The following IL36A variants were observed in gnomAD, a reference collection of about 807,000 sequenced individuals.
IL36A encodes interleukin-36 alpha.
IL36A carries 13 observed loss-of-function variants against 12.7 expected under a neutral mutation model. The ratio of observed to expected loss-of-function variants is 1.02; its 90% CI spans 0.67 to 1.63. IL36A has a LOEUF of 1.63. IL36A is among the 40% of genes most tolerant of loss of function. The probability of loss-of-function intolerance (pLI) is 0.00; values close to 1 mark genes in which losing one functional copy is unlikely to be tolerated. For synonymous variants in IL36A, 73 were observed against 71.9 expected (o/e 1.01, Z -0.08); for missense variants, 195 against 192.9 (o/e 1.01, Z -0.07).
At chr2:113,006,344 T>G (rs1419551525) in intron 2 of IL36A, among the ~76,000 whole-genome samples, 1 of 152,156 alleles carries the variant, frequency 6.6e-6, no homozygotes, top group Admixed American at 6.5e-5. Context: ...TCTGAGAAAC[T>G]TCAAGGAGTA....
downstream of IL36A, chr2:113,008,182 A>G (rs901476612): frequency 1.9e-5 from 14 of 731,626 alleles, no homozygotes; most frequent in Non-Finnish European, 2.6e-5. Context: ...TCATGCAGTG[A>G]CCTAAGTGCT....
rs1027006353 is a variant in IL36A, at chr2:113,006,671, C to G, written c.198C>G (p.Gly66=). Residue 66 remains glycine (G), a synonymous_variant, in exon 3 of 4, where the codon GGC becomes GGG. Coordinates refer to ENST00000259211, the MANE Select transcript of IL36A (RefSeq NM_014440.3). ...ACAGAGGGAACCCCATCTACCTGGGCCTGAATGGACTCAATCTCTGCCTGA... is the reference window on the plus strand; with the variant it reads ...ACAGAGGGAACCCCATCTACCTGGGGCTGAATGGACTCAATCTCTGCCTGA... ...EKDRGNPIYL[G]LNGLNLCLMC... 6.2e-7 allele frequency: 1 copy of G among 1,614,108 alleles called. No individual in the cohort carries two copies. The highest frequency in any genetic ancestry group is 1.7e-4 in the Middle Eastern group (1 of 6,056).
In IL36A at chr2:113,005,998, A is replaced by C. The variant is rs895497; in HGVS notation, c.35A>C (p.Gln12Pro). 9 of 1,613,682 alleles carry C rather than the reference A, an allele frequency of 5.6e-6. No individual in the cohort carries two copies. Among genetic ancestry groups the C allele is most frequent in the Non-Finnish European group, 7.6e-6 (9 of 1,179,724 alleles). The change falls in exon 2 of 4, where the codon CAG becomes CCG. Residue 12 changes from glutamine to proline, a missense_variant. Coordinates refer to ENST00000259211, the MANE Select transcript of IL36A (RefSeq NM_014440.3). ...EKALKIDTPQ[Q>P]GSIQDINHRV... ...GCATTGAAAATTGACACACCTCAGCAGGGGAGCATTCAGGATATCAATCAT... is the reference window on the plus strand; with the variant it reads ...GCATTGAAAATTGACACACCTCAGCCGGGGAGCATTCAGGATATCAATCAT...
intron 2 of IL36A, among the ~76,000 whole-genome samples, chr2:113,006,294 G>C (rs1184444801): frequency 6.6e-6 from 1 of 152,192 alleles, no homozygotes; most frequent in Non-Finnish European, 1.5e-5. Flanking sequence ...GCTTAAGGGA[G>C]ACTGAAGGGT....
Position 113,005,600 on chromosome 2 carries a change from CTT to C in IL36A, c.-270_-269del. Reference sequence around the variant, plus strand: ...CTTCCAGGTCTTTGGCCTTGGCACTCTTTGTCATATTAGAGTTCCTGGGTCTA... The same window carrying C: ...CTTCCAGGTCTTTGGCCTTGGCACTCTGTCATATTAGAGTTCCTGGGTCTA... On this transcript the variant is annotated 5_prime_UTR_variant, in exon 1 of 4. It introduces an in-frame stop codon into an upstream open reading frame of the 5' UTR. Coordinates refer to ENST00000259211, the MANE Select transcript of IL36A (RefSeq NM_014440.3). 3.5e-6 allele frequency: 2 copies of C among 564,128 alleles called. No homozygotes were observed. The highest frequency in any genetic ancestry group is 6.4e-6 in the Non-Finnish European group (2 of 314,776). 34.9% of individuals were successfully genotyped at this position (564,128 alleles called of 1,614,324 possible).
downstream of IL36A, among the ~76,000 whole-genome samples, chr2:113,009,308 G>C (rs557628364): frequency 3.3e-5 from 5 of 151,508 alleles, no homozygotes; most frequent in African/African-American, 1.2e-4. Context: ...TCCCATTACT[G>C]GGTATATACC....
downstream of IL36A, among the ~76,000 whole-genome samples, chr2:113,009,251 G>A (rs949319224): frequency 1.3e-5 from 2 of 151,362 alleles, no homozygotes; most frequent in African/African-American, 4.9e-5. Flanking sequence ...CGTCAGTGTG[G>A]CGATTTCTCA....
At chr2:113,008,357 CTTTTTT>C (rs780723737), downstream of IL36A, among the ~76,000 whole-genome samples, 1 of 123,380 alleles carries the variant, frequency 8.1e-6, no homozygotes, top group African/African-American at 3.3e-5. Context: ...GGTGGTGACT[CTTTTTT>C]TTTTTTTTTT....
At position 113,005,751 on chromosome 2, in the gene IL36A, C is replaced by T; in HGVS notation, c.-121C>T. 9.1e-7 allele frequency: 1 copy of T among 1,099,466 alleles called. No homozygotes were observed. The highest frequency in any genetic ancestry group is 1.4e-6 in the Non-Finnish European group (1 of 712,088). 68.1% of individuals were successfully genotyped at this position (1,099,466 alleles called of 1,614,324 possible). On this transcript the variant is annotated 5_prime_UTR_variant, in exon 1 of 4. Transcript: ENST00000259211. Reference sequence around the variant, plus strand: ...ACTGGGGTCACTGCTGGGCTGGCCGCCAGTCTTTCATCTGACCCAGGGTTA... The same window carrying T: ...ACTGGGGTCACTGCTGGGCTGGCCGTCAGTCTTTCATCTGACCCAGGGTTA...
chr2:113,007,344 A>G (rs1684643521), intron 3 of IL36A, among the ~76,000 whole-genome samples: 1 of 152,192 alleles, frequency 6.6e-6, no homozygotes, highest in Admixed American at 6.5e-5. Context: ...GGGGTGTGAT[A>G]CTTGCATTTA....
chr2:113,007,995 A>G lies in IL36A; in HGVS notation c.428A>G (p.Glu143Gly), dbSNP rs774606274. 5 of 1,614,188 alleles carry G rather than the reference A, an allele frequency of 3.1e-6. No individual in the cohort carries two copies. The highest frequency in any genetic ancestry group is 3.4e-6 in the Non-Finnish European group (4 of 1,180,034). ...GGCTGTCCTCTCATCCTTACCCAAG[A>G]ACTGGGGAAAGCCAACACTACTGAC... ...EGGCPLILTQ[E>G]LGKANTTDFG... Residue 143 changes from glutamate to glycine, a missense_variant, in exon 4 of 4, where the codon GAA (glutamate) becomes GGA (glycine). Glu to Gly is a moderately conservative substitution (Grantham distance 98). Coordinates refer to ENST00000259211, the MANE Select transcript of IL36A (RefSeq NM_014440.3).
chr2:113,005,554 G>T lies in IL36A; in HGVS notation c.-318G>T. On this transcript the variant is annotated 5_prime_UTR_variant, in exon 1 of 4. Coordinates refer to ENST00000259211, the MANE Select transcript of IL36A (RefSeq NM_014440.3). ...CAGTGTGGCCTATGCTGGAAAGTCT[G>T]GTGACCTCTGATTTTTTTTGCTTCC... 1 of 496,450 alleles carries T rather than the reference G, an allele frequency of 2.0e-6. No individual in the cohort carries two copies. The highest frequency in any genetic ancestry group is 3.6e-5 in the East Asian group (1 of 27,932). 30.8% of individuals were successfully genotyped at this position (496,450 alleles called of 1,614,324 possible). A position where few individuals can be genotyped will look rare whatever the true frequency, so the allele number is the denominator to read the frequency against.
chr2:113,006,407 A>G (rs1472140540), intron 2 of IL36A, among the ~76,000 whole-genome samples, 191 bp from the exon 3 acceptor site: 2 of 152,208 alleles, frequency 1.3e-5, no homozygotes, highest in African/African-American at 4.8e-5. Flanking sequence ...TGAATCCATG[A>G]AAGACTGACT....
At chr2:113,006,227 G>A (rs1003099089) in intron 2 of IL36A, 140 bp downstream of exon 2, 2 of 678,586 alleles carry the variant, frequency 2.9e-6, no homozygotes, top group Non-Finnish European at 5.3e-6. Flanking sequence ...AATGAATAGA[G>A]GGTGAGCATA....
chr2:113,009,883 G>A (rs565775994), downstream of IL36A, among the ~76,000 whole-genome samples: 8 of 152,274 alleles, frequency 5.3e-5, no homozygotes, highest in East Asian at 9.7e-4. Context: ...GACATGGGTC[G>A]CATTCATCTA....
Position 113,007,868 on chromosome 2 carries a change from C to T in IL36A, c.301C>T (p.Pro101Ser), listed in dbSNP as rs189892143. The change falls in exon 4 of 4, where the codon CCT (proline) becomes TCT (serine). Residue 101 changes from proline to serine, a missense_variant. By Grantham distance (74) the Pro-to-Ser change is moderately conservative (BLOSUM62 -1). Coordinates refer to ENST00000259211, the MANE Select transcript of IL36A (RefSeq NM_014440.3). Reference protein sequence around the residue: ...DIMDLYNQPEPVKSFLFYHSQ... With the variant: ...DIMDLYNQPESVKSFLFYHSQ... ...AATGGATTTGTACAACCAACCCGAG[C>T]CTGTGAAGTCCTTTCTCTTCTACCA... 4.3e-6 allele frequency: 7 copies of T among 1,614,002 alleles called. No individual in the cohort carries two copies. The African/African-American group carries it at 8.0e-5, about 18-fold the overall frequency.
rs377575738 is a variant in IL36A at position 113,006,518 on chromosome 2, C to A, written c.125-80C>A. ...TGAGTGCACTGTGAGTGTCAGTTAGCAGATTCCCTTAAAACTCTGGCTCAG... is the reference window on the plus strand; with the variant it reads ...TGAGTGCACTGTGAGTGTCAGTTAGAAGATTCCCTTAAAACTCTGGCTCAG... On this transcript the variant is annotated intron_variant, in intron 2 of 3. Coordinates refer to ENST00000259211, the MANE Select transcript of IL36A (RefSeq NM_014440.3). 9.3e-6 allele frequency: 14 copies of A among 1,507,476 alleles called. No homozygotes were observed. In the East Asian group the frequency reaches 2.0e-4, roughly 22 times the overall value. The allele number at this position is 1,507,476 out of a possible 1,614,324, so 93.4% of individuals were successfully genotyped here. A position where few individuals can be genotyped will look rare whatever the true frequency, so the allele number is the denominator to read the frequency against.
Position 113,005,565 on chromosome 2 carries a change from A to C in IL36A, c.-307A>C, listed in dbSNP as rs78466638. 3 of 511,578 alleles carry C rather than the reference A, an allele frequency of 5.9e-6. No individual in the cohort carries two copies. The highest frequency in any genetic ancestry group is 1.9e-5 in the African/African-American group (1 of 52,084). 31.7% of individuals were successfully genotyped at this position (511,578 alleles called of 1,614,324 possible). On this transcript the variant is annotated 5_prime_UTR_variant, in exon 1 of 4. Coordinates refer to ENST00000259211, the MANE Select transcript of IL36A (RefSeq NM_014440.3). ...ATGCTGGAAAGTCTGGTGACCTCTG[A>C]TTTTTTTTGCTTCCAGGTCTTTGGC...
chr2:113,006,968 C>G (rs986484974), intron 3 of IL36A, among the ~76,000 whole-genome samples: 3 of 152,114 alleles, frequency 2.0e-5, no homozygotes, highest in Admixed American at 6.5e-5. Context: ...AGGATGATGT[C>G]TAACTTCAAT....
Sources: gnomAD v4.1 joint callset for allele counts (sites outside exome capture counted in the v4.1 genomes callset) on GRCh38, gnomAD v4.1.1 for gene constraint, MANE v1.5 for transcripts, NCBI Gene and HGNC (gene_info 2026-07-23, HGNC 2026-07-21) for gene names.